Variants in RNGTT observed in about 807,000 individuals in gnomAD.
RNGTT encodes mRNA-capping enzyme.
Under a neutral mutation model 79.3 loss-of-function variants are expected in RNGTT, and 33 were observed. The ratio of observed to expected loss-of-function variants is 0.42; its 90% CI spans 0.32 to 0.56. The LOEUF is 0.56. RNGTT is among the 20% of genes least tolerant of loss of function. The probability of loss-of-function intolerance (pLI) is 0.17; values close to 1 mark genes in which losing one functional copy is unlikely to be tolerated. For missense variants in RNGTT, 497 were observed against 739.1 expected, an observed-to-expected ratio of 0.67 and a Z score of 3.80; for synonymous variants, 222 against 235.9, an observed-to-expected ratio of 0.94 and a Z score of 0.54.
intron 11 of RNGTT, among the ~76,000 whole-genome samples, chr6:88,818,051 G>A (rs1449319355): frequency 2.6e-5 from 4 of 151,760 alleles, no homozygotes; most frequent in Non-Finnish European, 2.9e-5. Context: ...GAGCCACCGC[G>A]CCCGGCCTAT....
At chr6:88,662,691 A>G (rs1363670453) in intron 14 of RNGTT, among the ~76,000 whole-genome samples, 1 of 152,146 alleles carries the variant, frequency 6.6e-6, no homozygotes, top group East Asian at 1.9e-4. Context: ...CCTGGGGAGG[A>G]CTCCGGCGAG....
Position 88,630,026 on chromosome 6 carries a change from G to A in RNGTT, c.1507-15631C>T, listed in dbSNP as rs546282408. 6.6e-5 allele frequency among the ~76,000 whole-genome samples: 10 copies of A among 152,216 alleles called. No homozygotes were observed. In the East Asian group the frequency reaches 1.9e-3, roughly 29 times the overall value. ...CCTACCAATGCCATGCTGTGCCTAC[G>A]CTAACCTTTAAGCAAGTACACCGGC... is the stretch of plus-strand genomic sequence containing the variant. On this transcript the variant is annotated intron_variant, in intron 14 of 15. Coordinates refer to ENST00000369485, the MANE Select transcript of RNGTT (RefSeq NM_003800.5).
intron 1 of RNGTT, among the ~76,000 whole-genome samples, chr6:88,942,892 C>T (rs1392977041): frequency 6.6e-6 from 1 of 152,152 alleles, no homozygotes; most frequent in East Asian, 1.9e-4. Flanking sequence ...CACTTTTTGA[C>T]AAAAGAACCA....
intron 13 of RNGTT, among the ~76,000 whole-genome samples, chr6:88,684,823 T>C (rs1334237915): frequency 2.0e-5 from 3 of 152,020 alleles, no homozygotes; most frequent in East Asian, 1.9e-4. Flanking sequence ...CTCTAATAAA[T>C]GTAGCACTCT....
chr6:88,882,331 T>A (rs897596913), intron 8 of RNGTT, among the ~76,000 whole-genome samples: 1 of 152,228 alleles, frequency 6.6e-6, no homozygotes, highest in East Asian at 1.9e-4. Context: ...TGTTAATCAA[T>A]TATCCACAAA....
At chr6:88,656,469 A>C (rs189717408) in intron 14 of RNGTT, among the ~76,000 whole-genome samples, 3 of 152,264 alleles carry the variant, frequency 2.0e-5, no homozygotes, top group Admixed American at 2.0e-4. Flanking sequence ...TTTCTCTGAA[A>C]ACTTAATTTT....
intron 14 of RNGTT, among the ~76,000 whole-genome samples, chr6:88,630,158 T>C (rs1772798030): frequency 6.6e-6 from 1 of 152,118 alleles, no homozygotes. Context: ...AGGATGTTTG[T>C]TTTGGGGGTT....
In RNGTT at chr6:88,868,175, G is replaced by A. The variant is rs990216327; in HGVS notation, c.897-14411C>T. Among the ~76,000 whole-genome samples the A allele has an allele frequency of 7.9e-5, 12 of 151,554 alleles. No individual in the cohort carries two copies. In the South Asian group the frequency reaches 2.5e-3, roughly 32 times the overall value. On this transcript the variant is annotated intron_variant, in intron 8 of 15. Transcript: ENST00000369485. ...AAAAAAAAAAAACAGCTCTTTTAAG[G>A]CCTCAAAGGCTATGGGGCTAACCAA...
At chr6:88,651,910 G>A (rs1328377668) in intron 14 of RNGTT, among the ~76,000 whole-genome samples, 4 of 151,996 alleles carry the variant, frequency 2.6e-5, no homozygotes, top group African/African-American at 9.7e-5. Context: ...GTGCACATAG[G>A]CGGTGGATAG....
At chr6:88,915,937 C>T (rs1432016326) in intron 4 of RNGTT, among the ~76,000 whole-genome samples, 4 of 152,010 alleles carry the variant, frequency 2.6e-5, no homozygotes, top group Non-Finnish European at 4.4e-5. Flanking sequence ...TAAGATAACA[C>T]AGTATTTTTT....
chr6:88,716,568 A>G, intron 13 of RNGTT, among the ~76,000 whole-genome samples: 1 of 152,260 alleles, frequency 6.6e-6, no homozygotes, highest in East Asian at 1.9e-4. Flanking sequence ...GAACCAAGCC[A>G]AAAGTCCAAC....
Position 88,844,404 on chromosome 6 carries a change from A to T in RNGTT, c.1222T>A (p.Phe408Ile), listed in dbSNP as rs768704544. Reference protein sequence around the residue: ...TGLIDKTQEPFSVRNKPFFDI... With the variant: ...TGLIDKTQEPISVRNKPFFDI... ...AAAAACGGCTTATTTCTGACGCTAA[A>T]TGGTTCCTGTGTTTTGTCAATGAGC... The change falls in exon 11 of 16, where the codon TTT becomes ATT. Residue 408 changes from phenylalanine (F) to isoleucine (I), a missense_variant. By Grantham distance (21) the Phe-to-Ile change is conservative (BLOSUM62 0). This residue lies in a region of RNGTT where 440 missense variants were observed against 671.5 expected (regional missense o/e 0.66). Coordinates refer to ENST00000369485, the MANE Select transcript of RNGTT (RefSeq NM_003800.5). 6.2e-7 allele frequency: 1 copy of T among 1,614,026 alleles called. No homozygotes were observed. Among genetic ancestry groups the T allele is most frequent in the Admixed American group, 1.7e-5 (1 of 60,010 alleles).
At chr6:88,613,108 A>C (rs2127844629) in intron 15 of RNGTT, among the ~76,000 whole-genome samples, 1 of 152,284 alleles carries the variant, frequency 6.6e-6, no homozygotes, top group South Asian at 2.1e-4. Context: ...CAAAACTTTA[A>C]ATGTTTGGGC....
intron 8 of RNGTT, among the ~76,000 whole-genome samples, chr6:88,855,891 G>A (rs537392124): frequency 3.3e-5 from 5 of 152,224 alleles, no homozygotes; most frequent in African/African-American, 1.2e-4. Context: ...CTTGGATTAT[G>A]TTTCAAAAGG....
intron 13 of RNGTT, among the ~76,000 whole-genome samples, chr6:88,716,267 A>G (rs1776508522): frequency 2.0e-5 from 3 of 151,134 alleles, no homozygotes; most frequent in African/African-American, 7.3e-5. Context: ...CCACAATGAG[A>G]TACCATCTCA....
At chr6:88,853,136 T>C (rs958288024) in intron 9 of RNGTT, among the ~76,000 whole-genome samples, 2 of 152,242 alleles carry the variant, frequency 1.3e-5, no homozygotes, top group African/African-American at 2.4e-5. Context: ...AAAGATTCAG[T>C]TGGCAGATCT....
intron 11 of RNGTT, among the ~76,000 whole-genome samples, chr6:88,826,824 G>GTGTATATATA (rs1371450082): frequency 2.3e-5 from 3 of 129,218 alleles, no homozygotes; most frequent in South Asian, 4.7e-4. Context: ...ATATGTGTGT[G>GTGTATATATA]TATATATATA....
At chr6:88,755,829 C>T (rs930255311) in intron 13 of RNGTT, among the ~76,000 whole-genome samples, 5 of 151,246 alleles carry the variant, frequency 3.3e-5, no homozygotes, top group Admixed American at 1.3e-4. Context: ...GGCATGGTGG[C>T]GGGCGCCTGT....
intron 11 of RNGTT, among the ~76,000 whole-genome samples, chr6:88,825,503 T>A (rs1440639489): frequency 6.6e-6 from 1 of 152,364 alleles, no homozygotes; most frequent in Non-Finnish European, 1.5e-5. Flanking sequence ...TCTAAACATC[T>A]AATCAGAGAT....
Sources: allele counts gnomAD v4.1 joint callset (sites outside exome capture counted in the v4.1 genomes callset), GRCh38; gene constraint gnomAD v4.1.1; regional missense constraint gnomAD v4.1.1; transcripts MANE v1.5; gene names NCBI Gene and HGNC (gene_info 2026-07-23, HGNC 2026-07-21).